Variants in SH2D3C observed in about 807,000 individuals in gnomAD.
The protein encoded by SH2D3C is SH2 domain-containing protein 3C.
In SH2D3C, 25 loss-of-function variants were observed where a neutral mutation model predicts 75.2. That is an observed-to-expected ratio of 0.33 (90% CI 0.24 to 0.46). The LOEUF (loss-of-function observed/expected upper bound fraction) is 0.46. Among genes scored for constraint, SH2D3C ranks in the 20% least tolerant of loss-of-function variants. The pLI is 1.00. For missense variants in SH2D3C, 933 were observed against 1,165.3 expected (o/e 0.80, Z 2.90); for synonymous variants, 450 against 473.7 (o/e 0.95, Z 0.65).
At chr9:127,744,491 G>C in intron 7 of SH2D3C, 73 bp downstream of exon 7, 1 of 1,511,102 alleles carries the variant, frequency 6.6e-7, no homozygotes, top group Non-Finnish European at 8.9e-7. Context: ...GGGAATCTGG[G>C]AGCCAGCTTC....
chr9:127,756,924 G>A (rs1332903427), intron 3 of SH2D3C, among the ~76,000 whole-genome samples: 5 of 152,038 alleles, frequency 3.3e-5, no homozygotes, highest in South Asian at 2.1e-4. Context: ...GAGCCTCCAC[G>A]CCTGGCCTGT....
At position 127,744,965 on chromosome 9, in the gene SH2D3C, G is replaced by A. The variant is rs1462425610; in HGVS notation, c.1399C>T (p.Pro467Ser). 6.4e-7 allele frequency: 1 copy of A among 1,552,558 alleles called. No individual in the cohort carries two copies. The highest frequency in any genetic ancestry group is 1.2e-5 in the South Asian group (1 of 81,292). ...AGGGTGTGGGAGGGGCTGGTGTGGG[G>A]GCCCTTGTCTGACTCCCCATGGGTC... ...PKTHGESDKGPHTSPSHTLGK... is the reference protein window; with the variant it reads ...PKTHGESDKGSHTSPSHTLGK... The change falls in exon 7 of 12, where the codon CCC becomes TCC. Residue 467 changes from proline (P) to serine (S), a missense_variant. Coordinates refer to ENST00000314830, the MANE Select transcript of SH2D3C (RefSeq NM_170600.3).
Position 127,774,810 on chromosome 9 carries a change from C to T in SH2D3C, c.38-343G>A, listed in dbSNP as rs181258600. On this transcript the variant is annotated intron_variant, in intron 1 of 11. Transcript: ENST00000314830. This position sits in a 1 kb window ranked among gnomAD's most constrained non-coding sequence, Gnocchi z 4.3. The stretch of plus-strand genomic sequence containing the variant: ...TGTGAGAATTACAGAAAAGCTTAGG[C>T]CAGGCGTGGTGGCTCATGCCTGTAA... 1.2e-4 allele frequency among the ~76,000 whole-genome samples: 18 copies of T among 152,336 alleles called. No individual in the cohort carries two copies. The highest frequency in any genetic ancestry group is 3.6e-4 in the African/African-American group (15 of 41,584).
chr9:127,778,151 C>T (rs1452583606), intron 1 of SH2D3C, among the ~76,000 whole-genome samples: 1 of 151,750 alleles, frequency 6.6e-6, no homozygotes, highest in Non-Finnish European at 1.5e-5. Context: ...CCATACCCAG[C>T]TAATTTTTTG....
At chr9:127,743,085 A>T in intron 7 of SH2D3C, 121 bp from the exon 8 acceptor site, 1 of 616,316 alleles carries the variant, frequency 1.6e-6, no homozygotes, top group Non-Finnish European at 2.9e-6. Context: ...TTTGAATTCC[A>T]GCTCCACCGC....
At chr9:127,769,998 G>T (rs1237873116) in intron 2 of SH2D3C, among the ~76,000 whole-genome samples, 1 of 152,142 alleles carries the variant, frequency 6.6e-6, no homozygotes, top group Non-Finnish European at 1.5e-5. Flanking sequence ...GGGTAGGCGT[G>T]GGGTAGGGAG....
intron 2 of SH2D3C, among the ~76,000 whole-genome samples, chr9:127,770,709 A>T (rs913989): frequency 4.6e-5 from 7 of 152,040 alleles, no homozygotes; most frequent in Non-Finnish European, 7.4e-5. Flanking sequence ...CTCCTGGCTA[A>T]GCATGATGCC....
Position 127,754,815 on chromosome 9 carries a change from G to T in SH2D3C, c.556-3515C>A, listed in dbSNP as rs1845314101. ...CCCCTGCCCCAGCTCTCTCCCTCCT[G>T]CGGAGGAGGCAGAAACGGACCGGCA... On this transcript the variant is annotated intron_variant, in intron 3 of 11. Coordinates refer to ENST00000314830, the MANE Select transcript of SH2D3C (RefSeq NM_170600.3). This position sits in a 1 kb window ranked among gnomAD's most constrained non-coding sequence, Gnocchi z 4.4. 1 of 485,166 alleles carries T rather than the reference G, an allele frequency of 2.1e-6. No homozygotes were observed. The highest frequency in any genetic ancestry group is 4.2e-6 in the Non-Finnish European group (1 of 236,768). 30.1% of individuals were successfully genotyped at this position (485,166 alleles called of 1,614,324 possible). A position where few individuals can be genotyped will look rare whatever the true frequency, so the allele number is the denominator to read the frequency against.
At position 127,744,699 on chromosome 9, in the gene SH2D3C, C is replaced by G; in HGVS notation, c.1665G>C (p.Pro555=). 1 of 1,614,162 alleles carries G rather than the reference C, an allele frequency of 6.2e-7. No homozygotes were observed. Among genetic ancestry groups the G allele is most frequent in the Non-Finnish European group, 8.5e-7 (1 of 1,180,034 alleles). ...GGATCAGTAGTGACTGGAAGGTGGC[C>G]GGGTTGAAGGAAGAAGTGACTTCCA... ...PIVEVTSSFN[P]ATFQSLLIPR... Residue 555 remains proline (P), a synonymous_variant, in exon 7 of 12, where the codon CCG becomes CCC. Transcript: ENST00000314830.
In SH2D3C at chr9:127,754,050, G is replaced by A. The variant is rs1045915719; in HGVS notation, c.556-2750C>T. 1.3e-5 allele frequency among the ~76,000 whole-genome samples: 2 copies of A among 152,122 alleles called. No individual in the cohort carries two copies. Among genetic ancestry groups the A allele is most frequent in the Non-Finnish European group, 2.9e-5 (2 of 67,966 alleles). On this transcript the variant is annotated intron_variant, in intron 3 of 11. Transcript: ENST00000314830. This position sits in a 1 kb window ranked among gnomAD's most constrained non-coding sequence, Gnocchi z 4.4. The stretch of plus-strand genomic sequence containing the variant: ...GGTCCTCCCACACACCTGAGGGTGA[G>A]GAATCCTAGGGTCCCTGTGCCTTGA...
intron 2 of SH2D3C, among the ~76,000 whole-genome samples, chr9:127,766,518 C>A (rs934477516): frequency 6.6e-6 from 1 of 152,230 alleles, no homozygotes; most frequent in Non-Finnish European, 1.5e-5. Flanking sequence ...CACCCTCCCA[C>A]CATGCCCCTC....
At chr9:127,768,544 C>T (rs762746161) in intron 2 of SH2D3C, among the ~76,000 whole-genome samples, 11 of 152,184 alleles carry the variant, frequency 7.2e-5, no homozygotes, top group Non-Finnish European at 1.2e-4. Flanking sequence ...ATGATCGAGC[C>T]GCTGCACTCC....
At chr9:127,766,983 A>G in intron 2 of SH2D3C, 1 of 1,536,124 alleles carries the variant, frequency 6.5e-7, no homozygotes, top group Non-Finnish European at 8.7e-7. Flanking sequence ...CTGGGTGGAA[A>G]GCCCCGTCTC....
intron 3 of SH2D3C, among the ~76,000 whole-genome samples, chr9:127,755,495 T>C (rs1442167261): frequency 1.3e-5 from 2 of 152,140 alleles, no homozygotes; most frequent in Admixed American, 6.5e-5. Context: ...GGCAGCGGGA[T>C]CGGGTGGGGA....
chr9:127,758,376 TA>T lies in SH2D3C; in HGVS notation c.555+3234del, dbSNP rs112967033. Among the ~76,000 whole-genome samples, 392 of 145,884 alleles carry T rather than the reference TA, an allele frequency of 2.7e-3. 1 individual carries two copies. Among genetic ancestry groups the T allele is most frequent in the Middle Eastern group, 0.018 (5 of 282 alleles). ...GCAGGTATTATTTATTTTACAATGT[TA>T]AAAAAAAAAACCTACATTTTTAAAC... On this transcript the variant is annotated intron_variant, in intron 3 of 11. Coordinates refer to ENST00000314830, the MANE Select transcript of SH2D3C (RefSeq NM_170600.3).
intron 3 of SH2D3C, among the ~76,000 whole-genome samples, chr9:127,758,521 T>C (rs1214033063): frequency 2.6e-5 from 4 of 152,072 alleles, no homozygotes; most frequent in Non-Finnish European, 5.9e-5. Flanking sequence ...ATTCCACCCA[T>C]TGGCTTTGGT....
In SH2D3C at chr9:127,744,824, A is replaced by C. The variant is rs1169545324; in HGVS notation, c.1540T>G (p.Ser514Ala). ...CCATAGCTCCTGGCCTGCTGGCTGG[A>C]GGTCTCAGTCGCTGCCCACTCTCGG... ...GSREWAATETSSQQARSYGER... is the reference protein window; with the variant it reads ...GSREWAATETASQQARSYGER... Residue 514 changes from serine to alanine, a missense_variant, in exon 7 of 12, where the codon TCC (serine) becomes GCC (alanine). Coordinates refer to ENST00000314830, the MANE Select transcript of SH2D3C (RefSeq NM_170600.3). The C allele has an allele frequency of 6.2e-7, 1 of 1,614,110 alleles. No individual in the cohort carries two copies. Among genetic ancestry groups the C allele is most frequent in the Non-Finnish European group, 8.5e-7 (1 of 1,180,002 alleles).
chr9:127,766,875 C>T, intron 2 of SH2D3C: 1 of 1,482,944 alleles, frequency 6.7e-7, no homozygotes, highest in South Asian at 1.3e-5. Context: ...AGCTTCTTTC[C>T]TTCCTTCACG....
intron 2 of SH2D3C, among the ~76,000 whole-genome samples, chr9:127,765,769 A>C (rs1397814509): frequency 1.3e-5 from 2 of 152,218 alleles, no homozygotes; most frequent in Non-Finnish European, 2.9e-5. Context: ...CAAAGCATCC[A>C]TTTTTAAAAC....
Sources: gnomAD v4.1 joint callset for allele counts (sites outside exome capture counted in the v4.1 genomes callset) on GRCh38, gnomAD v4.1.1 for gene constraint, Gnocchi (gnomAD v3.1) non-coding constraint, MANE v1.5 for transcripts, NCBI Gene and HGNC (gene_info 2026-07-23, HGNC 2026-07-21) for gene names.